The following KIF18A variants were observed in gnomAD, a reference collection of about 807,000 sequenced individuals.
KIF18A encodes the protein kinesin family member 18A.
KIF18A carries 67 observed loss-of-function variants against 103.3 expected under a neutral mutation model. The ratio of observed to expected loss-of-function variants is 0.65; its 90% CI spans 0.53 to 0.79. KIF18A has a LOEUF of 0.79. Among genes scored for constraint, KIF18A ranks in the 30% least tolerant of loss-of-function variants. KIF18A has a pLI of 0.00. For missense variants in KIF18A, 1,032 were observed against 1,062.5 expected, an observed-to-expected ratio of 0.97 and a Z score of 0.40; for synonymous variants, 367 against 355.5, an observed-to-expected ratio of 1.03 and a Z score of -0.36.
chr11:28,044,706 A>G (rs571120755), intron 13 of KIF18A, among the ~76,000 whole-genome samples: 1 of 152,238 alleles, frequency 6.6e-6, no homozygotes, highest in South Asian at 2.1e-4. Context: ...AAAGACTTTT[A>G]AGTATTAAAA....
At chr11:28,082,435 C>G (rs1851176847) in intron 9 of KIF18A, among the ~76,000 whole-genome samples, 3 of 152,088 alleles carry the variant, frequency 2.0e-5, no homozygotes, top group Non-Finnish European at 4.4e-5. Context: ...GAGGGAAGAC[C>G]TCCACCAGCA....
At chr11:28,048,480 G>T (rs964920384) in intron 13 of KIF18A, among the ~76,000 whole-genome samples, 26 of 151,916 alleles carry the variant, frequency 1.7e-4, no homozygotes, top group Non-Finnish European at 3.5e-4. Flanking sequence ...TGAAAAAGAG[G>T]CTGGTTATCA....
At chr11:28,099,103 T>C (rs912048350) in intron 1 of KIF18A, among the ~76,000 whole-genome samples, 7 of 152,096 alleles carry the variant, frequency 4.6e-5, no homozygotes, top group African/African-American at 1.2e-4. Context: ...TATCAACAGA[T>C]AAATAGATCG....
At chr11:28,064,911 A>T (rs150109354) in intron 11 of KIF18A, among the ~76,000 whole-genome samples, 14 of 152,254 alleles carry the variant, frequency 9.2e-5, no homozygotes, top group African/African-American at 3.1e-4. Flanking sequence ...AGACCATGCT[A>T]GGCTTGGTAA....
At chr11:28,038,310 T>C (rs1850519561) in intron 13 of KIF18A, among the ~76,000 whole-genome samples, 1 of 151,598 alleles carries the variant, frequency 6.6e-6, no homozygotes, top group Non-Finnish European at 1.5e-5. Flanking sequence ...AATAATGACA[T>C]ATGTAACAAT....
At chr11:28,047,280 G>A (rs1401204631) in intron 13 of KIF18A, among the ~76,000 whole-genome samples, 1 of 151,830 alleles carries the variant, frequency 6.6e-6, no homozygotes, top group East Asian at 1.9e-4. Flanking sequence ...TTAGTCCATC[G>A]CTACAAGAAA....
At chr11:28,055,553 C>A (rs904960601) in intron 13 of KIF18A, among the ~76,000 whole-genome samples, 2 of 152,110 alleles carry the variant, frequency 1.3e-5, no homozygotes, top group Admixed American at 6.5e-5. Context: ...ATCTTCCTTG[C>A]TTTGAGTTGG....
intron 13 of KIF18A, among the ~76,000 whole-genome samples, chr11:28,051,017 A>T (rs538240644): frequency 7.9e-5 from 12 of 152,016 alleles, no homozygotes; most frequent in Non-Finnish European, 1.5e-4. Context: ...TATTGTATCT[A>T]GGGATCTATT....
chr11:28,049,442 CA>C (rs1222768106), intron 13 of KIF18A, among the ~76,000 whole-genome samples: 1 of 151,836 alleles, frequency 6.6e-6, no homozygotes, highest in Non-Finnish European at 1.5e-5. Flanking sequence ...AGTAATTTAT[CA>C]AAAGTTTAAG....
chr11:28,025,588 A>C (rs1850307483), intron 15 of KIF18A, among the ~76,000 whole-genome samples: 1 of 152,010 alleles, frequency 6.6e-6, no homozygotes, highest in East Asian at 1.9e-4. Flanking sequence ...TCTAGAAATC[A>C]AATCCAACCC....
chr11:28,025,599 TAATA>T (rs1237435002), intron 15 of KIF18A, among the ~76,000 whole-genome samples: 1 of 151,946 alleles, frequency 6.6e-6, no homozygotes, highest in Non-Finnish European at 1.5e-5. Context: ...AATCCAACCC[TAATA>T]AATTGCGTAT....
chr11:28,073,250 A>C (rs529370001), intron 10 of KIF18A, among the ~76,000 whole-genome samples: 1 of 152,126 alleles, frequency 6.6e-6, no homozygotes, highest in East Asian at 1.9e-4. Flanking sequence ...CGAAGTTTTG[A>C]GTATAGTTAT....
At chr11:28,045,698 C>T (rs970685444) in intron 13 of KIF18A, among the ~76,000 whole-genome samples, 3 of 152,038 alleles carry the variant, frequency 2.0e-5, no homozygotes, top group African/African-American at 4.8e-5. Context: ...GCTAATTCTT[C>T]ATCTCTCATG....
At chr11:28,097,013 C>T (rs768071368) in intron 2 of KIF18A, among the ~76,000 whole-genome samples, 4 of 151,918 alleles carry the variant, frequency 2.6e-5, no homozygotes, top group African/African-American at 4.8e-5. Flanking sequence ...ACACTTTTAC[C>T]CCCTTTCCAA....
intron 15 of KIF18A, among the ~76,000 whole-genome samples, chr11:28,026,837 C>T (rs868084863): frequency 4.0e-5 from 6 of 151,736 alleles, no homozygotes; most frequent in East Asian, 3.9e-4. Context: ...TAAAAGTAGA[C>T]GAAACAGATG....
chr11:28,096,918 T>C (rs1018702015), intron 2 of KIF18A, among the ~76,000 whole-genome samples: 1 of 151,878 alleles, frequency 6.6e-6, no homozygotes, highest in Non-Finnish European at 1.5e-5. Context: ...AACATGGCTT[T>C]CTTGAAAGGC....
At position 28,068,832 on chromosome 11, in the gene KIF18A, A is replaced by G. The variant is rs536895893; in HGVS notation, c.1590+427T>C. Among the ~76,000 whole-genome samples the G allele has an allele frequency of 2.0e-5, 3 of 152,304 alleles. No homozygotes were observed. In the South Asian group the frequency reaches 6.2e-4, roughly 32 times the overall value. On this transcript the variant is annotated intron_variant, in intron 11 of 16. Coordinates refer to ENST00000263181, the MANE Select transcript of KIF18A (RefSeq NM_031217.4). ...GACTACTGCAACCTTGTAGCAGAAC[A>G]TAATTCTAATATGATACTGTCATTA...
At chr11:28,071,976 C>G (rs1397172704) in intron 10 of KIF18A, among the ~76,000 whole-genome samples, 1 of 152,080 alleles carries the variant, frequency 6.6e-6, no homozygotes, top group Non-Finnish European at 1.5e-5. Flanking sequence ...AATGAAACCT[C>G]AAAAAGTCCA....
chr11:28,081,168 A>T (rs1851160884), intron 9 of KIF18A, among the ~76,000 whole-genome samples: 1 of 152,212 alleles, frequency 6.6e-6, no homozygotes, highest in Admixed American at 6.6e-5. Flanking sequence ...TAGGTGAAGC[A>T]GCAAGTGCTG....
Sources: gnomAD v4.1 joint callset for allele counts (sites outside exome capture counted in the v4.1 genomes callset) on GRCh38, gnomAD v4.1.1 for gene constraint, MANE v1.5 for transcripts, NCBI Gene and HGNC (gene_info 2026-07-23, HGNC 2026-07-21) for gene names.